Variants in FRMD6 observed in about 807,000 individuals in gnomAD.
The protein encoded by FRMD6 is FERM domain-containing protein 6.
FRMD6 carries 37 observed loss-of-function variants against 73.2 expected under a neutral mutation model. The ratio of observed to expected loss-of-function variants is 0.51; its 90% confidence interval spans 0.39 to 0.66. FRMD6 has a LOEUF of 0.66. Among genes scored for constraint, FRMD6 ranks in the 30% least tolerant of loss-of-function variants. The pLI is 0.00. For missense variants in FRMD6, 714 were observed against 780.5 expected (o/e 0.91, Z 1.02); for synonymous variants, 273 against 282.2 (o/e 0.97, Z 0.33).
intron 1 of FRMD6, among the ~76,000 whole-genome samples, chr14:51,549,688 C>CG (rs1491112284): frequency 4.2e-5 from 4 of 94,834 alleles, no homozygotes; most frequent in Non-Finnish European, 9.4e-5. Flanking sequence ...CTCCGCCCCC[C>CG]AGGTTCACGC....
At chr14:51,557,827 G>A (rs931435517) in intron 1 of FRMD6, among the ~76,000 whole-genome samples, 1 of 151,996 alleles carries the variant, frequency 6.6e-6, no homozygotes, top group African/African-American at 2.4e-5. Flanking sequence ...GAGGGAGGAG[G>A]GTGAGGTTGG....
chr14:51,701,472 GTA>G lies in FRMD6; in HGVS notation c.294+326_294+327del, dbSNP rs200645576. Among the ~76,000 whole-genome samples the G allele has an allele frequency of 8.1e-3, 1,138 of 141,164 alleles. 13 individuals are homozygous for G. The highest frequency in any genetic ancestry group is 0.028 in the African/African-American group (1,069 of 38,872). The allele number at this position is 141,164 out of a possible 152,430, so 92.6% of individuals were successfully genotyped here. ...AAAATAAAATTATAAGTTCTAAAAT[GTA>G]TATATATATATACTTAGTATATATA... On this transcript the variant is annotated intron_variant, in intron 4 of 13. Transcript: ENST00000344768.
chr14:51,439,624 T>G, the FRMD6 span, among the ~76,000 whole-genome samples: 1 of 152,168 alleles, frequency 6.6e-6, no homozygotes, highest in Non-Finnish European at 1.5e-5. Flanking sequence ...CACACGGTTT[T>G]GTAAAATTTC....
chr14:51,426,218 T>G, the FRMD6 span, among the ~76,000 whole-genome samples: 2 of 152,186 alleles, frequency 1.3e-5, no homozygotes, highest in Non-Finnish European at 1.5e-5. Flanking sequence ...AAAAACCTTC[T>G]ACTTCTCTTG....
At chr14:51,436,792 A>C in the FRMD6 span, 1 of 535,402 alleles carries the variant, frequency 1.9e-6, no homozygotes, top group East Asian at 4.0e-5. Flanking sequence ...AAGATGAAGA[A>C]GGAGAAGGAG....
rs200052672 is a variant in FRMD6 at position 51,507,083 on chromosome 14, G to GACACACACAC, written c.-210+17708_-210+17717dup. Among the ~76,000 whole-genome samples, 686 of 139,074 alleles carry GACACACACAC rather than the reference G, an allele frequency of 4.9e-3. 4 individuals carry two copies. The highest frequency in any genetic ancestry group is 7.3e-3 in the Non-Finnish European group (464 of 63,982). The allele number at this position is 139,074 out of a possible 152,430, so 91.2% of individuals were successfully genotyped here. ...TGAAATGATTAGAATTGGTTGTATA[G>GACACACACAC]ACACACACACACACACACACACACA... On this transcript the variant is annotated intron_variant, in intron 1 of 14. Coordinates refer to the FRMD6 transcript ENST00000356218.
the FRMD6 span, among the ~76,000 whole-genome samples, chr14:51,413,198 T>C: frequency 6.6e-6 from 1 of 152,080 alleles, no homozygotes; most frequent in Non-Finnish European, 1.5e-5. Flanking sequence ...CTAGGGTACA[T>C]GTGCACAACG....
Position 51,558,469 on chromosome 14 carries a change from A to C in FRMD6, c.-209-11879A>C, listed in dbSNP as rs369351860. On this transcript the variant is annotated intron_variant, in intron 1 of 14. Transcript: ENST00000356218. The stretch of plus-strand genomic sequence containing the variant: ...GGCGGCAGAGCAAGACTGTCTCAAA[A>C]AAAAAACAAAAAACAAAAAACAAAA... Among the ~76,000 whole-genome samples, 46 of 151,552 alleles carry C rather than the reference A, an allele frequency of 3.0e-4. No individual in the cohort carries two copies. In the East Asian group the frequency reaches 6.4e-3, roughly 21 times the overall value.
intron 1 of FRMD6, among the ~76,000 whole-genome samples, chr14:51,664,966 CTG>C (rs1264657678): frequency 1.8e-4 from 27 of 152,086 alleles, no homozygotes; most frequent in Non-Finnish European, 3.4e-4. Flanking sequence ...AGGTATAAAA[CTG>C]AGCAAGTTTT....
At chr14:51,444,534 A>G in the FRMD6 span, among the ~76,000 whole-genome samples, 1 of 152,152 alleles carries the variant, frequency 6.6e-6, no homozygotes, top group East Asian at 1.9e-4. Context: ...TCGTTTAGTA[A>G]AATTCCAGCC....
At chr14:51,536,072 T>C (rs1353926099) in intron 1 of FRMD6, among the ~76,000 whole-genome samples, 2 of 96,484 alleles carry the variant, frequency 2.1e-5, no homozygotes, top group African/African-American at 1.2e-4. Context: ...ATATTATATA[T>C]ATATTTTATA....
chr14:51,507,514 T>G (rs1312196404), intron 1 of FRMD6, among the ~76,000 whole-genome samples: 1 of 152,178 alleles, frequency 6.6e-6, no homozygotes, highest in Non-Finnish European at 1.5e-5. Context: ...GCCACAGACC[T>G]TTTCAAAATT....
At chr14:51,510,925 C>T (rs1884260335) in intron 1 of FRMD6, among the ~76,000 whole-genome samples, 1 of 152,118 alleles carries the variant, frequency 6.6e-6, no homozygotes, top group African/African-American at 2.4e-5. Context: ...TGTCTTTCTT[C>T]CTTTCGTCTC....
the FRMD6 span, among the ~76,000 whole-genome samples, chr14:51,467,539 CGG>C: frequency 1.3e-5 from 2 of 151,150 alleles, no homozygotes; most frequent in African/African-American, 4.9e-5. Context: ...CCAGAAGGGG[CGG>C]CCGGGCAGAG....
At chr14:51,663,168 G>C (rs1347268805) in intron 1 of FRMD6, among the ~76,000 whole-genome samples, 1 of 152,222 alleles carries the variant, frequency 6.6e-6, no homozygotes, top group Non-Finnish European at 1.5e-5. Flanking sequence ...CTGTTTGTGG[G>C]AGTGTAAATT....
rs141994324 is a variant in FRMD6 at position 51,600,587 on chromosome 14, G to A, written c.-147+30177G>A. On this transcript the variant is annotated intron_variant, in intron 2 of 14. Transcript: ENST00000356218. Reference sequence around the variant, plus strand: ...ATCCCTTTGTACCTACACCCCCACAGTTACAGCTAAATAACAATTTTCATG... The same window carrying A: ...ATCCCTTTGTACCTACACCCCCACAATTACAGCTAAATAACAATTTTCATG... Among the ~76,000 whole-genome samples, 1,364 of 152,266 alleles carry A rather than the reference G, an allele frequency of 9.0e-3. 16 individuals carry two copies. The highest frequency in any genetic ancestry group is 0.015 in the Non-Finnish European group (1,020 of 68,014).
At chr14:51,583,163 G>A (rs543994013) in intron 2 of FRMD6, among the ~76,000 whole-genome samples, 17 of 152,230 alleles carry the variant, frequency 1.1e-4, no homozygotes, top group African/African-American at 3.9e-4. Flanking sequence ...AGACATTAAG[G>A]AGAAGCCAGT....
chr14:51,666,296 G>A (rs779261565), intron 1 of FRMD6, among the ~76,000 whole-genome samples: 32 of 152,234 alleles, frequency 2.1e-4, no homozygotes, highest in Non-Finnish European at 4.0e-4. Flanking sequence ...ACTATGTGCC[G>A]TTTTATTATT....
intron 5 of FRMD6, chr14:51,704,484 T>C: frequency 2.6e-6 from 1 of 388,930 alleles, no homozygotes; most frequent in South Asian, 7.4e-5. Context: ...ACCTTTTTCT[T>C]CTCTGAATGA....
Sources: allele counts gnomAD v4.1 joint callset (sites outside exome capture counted in the v4.1 genomes callset), GRCh38; gene constraint gnomAD v4.1.1; transcripts MANE v1.5; gene names NCBI Gene and HGNC (gene_info 2026-07-23, HGNC 2026-07-21).